CNTNAP5: variants seen among roughly 807,000 people sequenced by gnomAD.
CNTNAP5 encodes the protein contactin-associated protein-like 5.
Under a neutral mutation model 150.2 loss-of-function variants are expected in CNTNAP5, and 72 were observed. The ratio of observed to expected loss-of-function variants is 0.48; its 90% CI spans 0.40 to 0.58. The LOEUF (loss-of-function observed/expected upper bound fraction) is 0.58. Ranked by LOEUF, CNTNAP5 falls within the 20% of genes least tolerant of loss-of-function variation. The probability of loss-of-function intolerance (pLI) is 0.00; values close to 1 mark genes in which losing one functional copy is unlikely to be tolerated. For missense variants in CNTNAP5, 1,636 were observed against 1,626.2 expected (o/e 1.01, Z -0.10); for synonymous variants, 672 against 619.8 (o/e 1.08, Z -1.25).
chr2:124,296,063 A>G (rs1202924241), intron 3 of CNTNAP5, among the ~76,000 whole-genome samples: 1 of 152,156 alleles, frequency 6.6e-6, no homozygotes, highest in Non-Finnish European at 1.5e-5. Flanking sequence ...CCTTCTATTC[A>G]TATTTTGGCC....
chr2:124,034,456 C>T (rs779659714), intron 1 of CNTNAP5, among the ~76,000 whole-genome samples: 1 of 152,174 alleles, frequency 6.6e-6, no homozygotes, highest in Non-Finnish European at 1.5e-5. Flanking sequence ...CATTTTATCT[C>T]CCATGTAAAC....
intron 7 of CNTNAP5, among the ~76,000 whole-genome samples, chr2:124,492,827 C>A (rs558325379): frequency 3.9e-5 from 5 of 128,108 alleles, no homozygotes; most frequent in Admixed American, 8.3e-5. Flanking sequence ...TTGTATCTTG[C>A]AACTTTAGGA....
At chr2:124,497,060 C>G (rs563128269) in intron 7 of CNTNAP5, among the ~76,000 whole-genome samples, 2 of 152,268 alleles carry the variant, frequency 1.3e-5, no homozygotes, top group South Asian at 4.1e-4. Context: ...GTGGTGACAG[C>G]CTGGTTGAGA....
intron 13 of CNTNAP5, among the ~76,000 whole-genome samples, chr2:124,700,539 T>C (rs570316073): frequency 2.0e-5 from 3 of 152,242 alleles, no homozygotes; most frequent in Admixed American, 6.5e-5. Flanking sequence ...CTTTTTATTA[T>C]AGTTATCCTA....
At chr2:124,471,812 C>G (rs1198990062) in intron 6 of CNTNAP5, among the ~76,000 whole-genome samples, 1 of 151,970 alleles carries the variant, frequency 6.6e-6, no homozygotes, top group South Asian at 2.1e-4. Context: ...CCTGCATCTA[C>G]TGAGATAATC....
At position 124,728,037 on chromosome 2, in the gene CNTNAP5, T is replaced by A. The variant is rs186826208; in HGVS notation, c.2078-19192T>A. On this transcript the variant is annotated intron_variant, in intron 13 of 23. Transcript: ENST00000682447. Reference sequence around the variant, plus strand: ...AAGCAATGTTGAATTTTGCAAATATTTTTTTCTGCATATATTTAGATGATA... The same window carrying A: ...AAGCAATGTTGAATTTTGCAAATATATTTTTCTGCATATATTTAGATGATA... 1.9e-3 allele frequency among the ~76,000 whole-genome samples: 292 copies of A among 152,210 alleles called. 1 individual carries two copies. Among genetic ancestry groups the A allele is most frequent in the Middle Eastern group, 0.01 (3 of 294 alleles).
intron 1 of CNTNAP5, among the ~76,000 whole-genome samples, chr2:124,075,366 A>G (rs1231084925): frequency 6.6e-6 from 1 of 152,116 alleles, no homozygotes; most frequent in Non-Finnish European, 1.5e-5. Context: ...ATCTCTGATA[A>G]TCCCTTTCAT....
intron 2 of CNTNAP5, among the ~76,000 whole-genome samples, chr2:124,240,313 G>C (rs1275953523): frequency 6.6e-6 from 1 of 152,098 alleles, no homozygotes; most frequent in Non-Finnish European, 1.5e-5. Flanking sequence ...CCATCATCTA[G>C]ATCTTGTTGT....
intron 21 of CNTNAP5, among the ~76,000 whole-genome samples, chr2:124,899,872 G>A (rs1207105290): frequency 1.3e-5 from 2 of 151,406 alleles, no homozygotes; most frequent in South Asian, 2.1e-4. Flanking sequence ...AGAGTTCAGT[G>A]AATTCTGTGA....
At chr2:124,638,256 G>A (rs1678014864) in intron 12 of CNTNAP5, among the ~76,000 whole-genome samples, 1 of 137,718 alleles carries the variant, frequency 7.3e-6, no homozygotes, top group African/African-American at 2.5e-5. Flanking sequence ...CTCTCACAGT[G>A]AGACCTTGTT....
intron 1 of CNTNAP5, among the ~76,000 whole-genome samples, chr2:124,132,677 T>C (rs893948794): frequency 2.6e-5 from 4 of 152,182 alleles, no homozygotes; most frequent in African/African-American, 9.7e-5. Context: ...TAGCTAATAT[T>C]TCATGAGGAC....
chr2:124,733,268 A>G (rs1680311273), intron 13 of CNTNAP5, among the ~76,000 whole-genome samples: 1 of 152,110 alleles, frequency 6.6e-6, no homozygotes, highest in African/African-American at 2.4e-5. Context: ...AGAAATTGCA[A>G]TTTGTTAAGG....
chr2:124,700,786 A>G (rs921859645), intron 13 of CNTNAP5, among the ~76,000 whole-genome samples: 17 of 151,984 alleles, frequency 1.1e-4, no homozygotes, highest in East Asian at 9.7e-4. Context: ...TATTTTTACA[A>G]TATATTTAAT....
chr2:124,481,686 T>C (rs529263295), intron 7 of CNTNAP5, among the ~76,000 whole-genome samples: 1 of 152,304 alleles, frequency 6.6e-6, no homozygotes, highest in South Asian at 2.1e-4. Context: ...TCAATGTTTT[T>C]AAAACTTTTA....
At chr2:124,913,601 G>A (rs1321408481) in intron 23 of CNTNAP5, among the ~76,000 whole-genome samples, 1 of 151,988 alleles carries the variant, frequency 6.6e-6, no homozygotes, top group Non-Finnish European at 1.5e-5. Flanking sequence ...AAATGTTTTA[G>A]CAAAACAAAC....
At chr2:124,708,629 G>A (rs552519888) in intron 13 of CNTNAP5, among the ~76,000 whole-genome samples, 4 of 152,284 alleles carry the variant, frequency 2.6e-5, no homozygotes, top group Non-Finnish European at 5.9e-5. Flanking sequence ...TGGCATTTAT[G>A]TGTCTTTGCT....
At chr2:124,517,432 A>G (rs1371365647) in intron 8 of CNTNAP5, among the ~76,000 whole-genome samples, 153 of 97,786 alleles carry the variant, frequency 1.6e-3, no homozygotes, top group East Asian at 3.8e-3. Flanking sequence ...TGGTGATGGG[A>G]GCTTGTGGTG....
intron 12 of CNTNAP5, among the ~76,000 whole-genome samples, chr2:124,622,445 T>G (rs1677637304): frequency 6.6e-6 from 1 of 152,154 alleles, no homozygotes; most frequent in Non-Finnish European, 1.5e-5. Context: ...ATGCATGTAT[T>G]TTTATAAAAG....
chr2:124,867,177 A>G (rs1573673833), intron 20 of CNTNAP5, among the ~76,000 whole-genome samples: 1 of 152,242 alleles, frequency 6.6e-6, no homozygotes, highest in East Asian at 1.9e-4. Context: ...AAAACAAATA[A>G]TTATTACATG....
Sources: gnomAD v4.1 joint callset for allele counts (sites outside exome capture counted in the v4.1 genomes callset) on GRCh38, gnomAD v4.1.1 for gene constraint, MANE v1.5 for transcripts, NCBI Gene and HGNC (gene_info 2026-07-23, HGNC 2026-07-21) for gene names.